CCSER1: variants seen among roughly 807,000 people sequenced by gnomAD.
The protein encoded by CCSER1 is serine-rich coiled-coil domain-containing protein 1.
In CCSER1, 41 loss-of-function variants were observed where a neutral mutation model predicts 82.0. The observed-to-expected ratio is 0.50, with a 90% CI of 0.39 to 0.65. The LOEUF (loss-of-function observed/expected upper bound fraction) is 0.65, where lower values mean the gene tolerates loss of function less well. Ranked by LOEUF, CCSER1 falls within the 30% of genes least tolerant of loss-of-function variation. The pLI is 0.00. For missense variants in CCSER1, 1,119 were observed against 1,064.2 expected (o/e 1.05, Z -0.72); for synonymous variants, 414 against 383.9 (o/e 1.08, Z -0.92).
intron 5 of CCSER1, among the ~76,000 whole-genome samples, chr4:90,502,841 A>T (rs564368960): frequency 6.8e-4 from 103 of 152,304 alleles, no homozygotes; most frequent in Non-Finnish European, 1.3e-3. Flanking sequence ...TAGCCAGAAC[A>T]AATAGCTGAA....
chr4:91,497,187 G>T (rs767918639), intron 10 of CCSER1, among the ~76,000 whole-genome samples: 7 of 151,244 alleles, frequency 4.6e-5, no homozygotes, highest in Middle Eastern at 3.2e-3. Context: ...GAGGCCTTAG[G>T]TTCCTCCTAT....
intron 10 of CCSER1, among the ~76,000 whole-genome samples, chr4:91,248,411 G>A (rs866460996): frequency 1.3e-5 from 2 of 152,294 alleles, no homozygotes; most frequent in Non-Finnish European, 2.9e-5. Context: ...CCTCAGTCAG[G>A]TGAGCAATGT....
chr4:91,594,336 CATAT>C (rs1427419587), intron 10 of CCSER1, among the ~76,000 whole-genome samples: 1 of 144,254 alleles, frequency 6.9e-6, no homozygotes, highest in Admixed American at 6.9e-5. Flanking sequence ...TATGTACACA[CATAT>C]ATATACATAT....
intron 10 of CCSER1, among the ~76,000 whole-genome samples, chr4:91,431,216 A>G (rs1299285189): frequency 6.6e-6 from 1 of 152,188 alleles, no homozygotes; most frequent in African/African-American, 2.4e-5. Context: ...AGTCTGGGCA[A>G]CAGAGCGAGA....
Position 90,308,881 on chromosome 4 carries a change from A to G in CCSER1, c.597A>G (p.Gln199=). ...YKFSKPVLQS[Q]SISLVQQSEF... is the part of the protein sequence containing the mutation. ...TTTCTAAGCCAGTTCTACAGAGCCA[A>G]TCCATTTCATTGGTACAACAGTCTG... The change falls in exon 2 of 11, where the codon CAA becomes CAG. Residue 199 remains glutamine (Q), a synonymous_variant. Coordinates refer to ENST00000509176, the MANE Select transcript of CCSER1 (RefSeq NM_001145065.2). 2.5e-6 allele frequency: 4 copies of G among 1,613,910 alleles called. No individual in the cohort carries two copies. Among genetic ancestry groups the G allele is most frequent in the East Asian group, 2.2e-5 (1 of 44,874 alleles).
intron 10 of CCSER1, among the ~76,000 whole-genome samples, chr4:91,105,703 C>CA (rs993049120): frequency 5.9e-5 from 9 of 151,860 alleles, no homozygotes; most frequent in African/African-American, 2.4e-5. Flanking sequence ...GAATCCATCT[C>CA]AAAAAAATAA....
intron 3 of CCSER1, among the ~76,000 whole-genome samples, chr4:90,319,851 G>A (rs913996138): frequency 1.6e-4 from 24 of 152,216 alleles, no homozygotes; most frequent in Admixed American, 2.6e-4. Flanking sequence ...AAAAATGGAA[G>A]CCATTAATAT....
chr4:91,577,353 A>G (rs1763499656), intron 10 of CCSER1, among the ~76,000 whole-genome samples: 1 of 151,990 alleles, frequency 6.6e-6, no homozygotes. Flanking sequence ...CAGTGTTTCC[A>G]GAGATACCAG....
chr4:90,862,072 G>T (rs1289271425), intron 8 of CCSER1, among the ~76,000 whole-genome samples: 1 of 151,280 alleles, frequency 6.6e-6, no homozygotes, highest in African/African-American at 2.4e-5. Flanking sequence ...CTAAGAATAG[G>T]TAGTTCAAAA....
intron 3 of CCSER1, among the ~76,000 whole-genome samples, chr4:90,323,330 T>A (rs1737515608): frequency 6.6e-6 from 1 of 152,208 alleles, no homozygotes; most frequent in South Asian, 2.1e-4. Context: ...GCCCAAGGAC[T>A]GAAGTTCTTG....
intron 1 of CCSER1, among the ~76,000 whole-genome samples, chr4:90,157,659 A>T (rs1204471557): frequency 6.6e-6 from 1 of 151,988 alleles, no homozygotes; most frequent in African/African-American, 2.4e-5. Flanking sequence ...CTTCCAGTTG[A>T]TTGCATCGGC....
chr4:91,455,963 G>A (rs565716023), intron 10 of CCSER1, among the ~76,000 whole-genome samples: 2 of 152,134 alleles, frequency 1.3e-5, no homozygotes, highest in Admixed American at 1.3e-4. Flanking sequence ...GAGGTAAACT[G>A]GAAAAGTCAT....
intron 10 of CCSER1, among the ~76,000 whole-genome samples, chr4:91,379,991 C>T (rs188494155): frequency 0.013 from 1,924 of 152,248 alleles, 38 homozygotes; most frequent in African/African-American, 0.044. Flanking sequence ...TTTCTGCCTT[C>T]ATTTCGTTAT....
chr4:90,302,976 G>C (rs544232277), intron 1 of CCSER1, among the ~76,000 whole-genome samples: 9 of 152,178 alleles, frequency 5.9e-5, no homozygotes, highest in African/African-American at 2.2e-4. Context: ...TAAAGAATAT[G>C]GATAATCTTG....
chr4:90,469,809 C>A (rs1278541026), intron 5 of CCSER1, among the ~76,000 whole-genome samples: 1 of 152,096 alleles, frequency 6.6e-6, no homozygotes, highest in Non-Finnish European at 1.5e-5. Context: ...AGGCATCCTA[C>A]CGAAGTGTCA....
intron 10 of CCSER1, among the ~76,000 whole-genome samples, chr4:91,256,867 A>C (rs1740731684): frequency 6.6e-6 from 1 of 152,234 alleles, no homozygotes; most frequent in South Asian, 2.1e-4. Flanking sequence ...CTTCTTGGGA[A>C]GAAATCATAT....
intron 7 of CCSER1, among the ~76,000 whole-genome samples, chr4:90,732,859 A>T (rs1016367791): frequency 6.6e-6 from 1 of 152,212 alleles, no homozygotes; most frequent in Non-Finnish European, 1.5e-5. Flanking sequence ...AAATGATAGC[A>T]TCTAATTCTT....
chr4:91,479,175 C>CT (rs572030783), intron 10 of CCSER1, among the ~76,000 whole-genome samples: 105 of 142,118 alleles, frequency 7.4e-4, no homozygotes, highest in South Asian at 1.4e-3. Flanking sequence ...TATTTTCTTT[C>CT]TTTTTTTTTT....
intron 3 of CCSER1, among the ~76,000 whole-genome samples, chr4:90,370,940 G>C (rs1343214873): frequency 6.6e-6 from 1 of 151,862 alleles, no homozygotes; most frequent in Non-Finnish European, 1.5e-5. Context: ...GGCTTAAATG[G>C]CTTAACATTT....
Sources: allele counts gnomAD v4.1 joint callset (sites outside exome capture counted in the v4.1 genomes callset), GRCh38; gene constraint gnomAD v4.1.1; transcripts MANE v1.5; gene names NCBI Gene and HGNC (gene_info 2026-07-23, HGNC 2026-07-21).